The following CDH11 variants were observed in gnomAD, a reference collection of about 807,000 sequenced individuals.
The protein encoded by CDH11 is cadherin 11.
In CDH11, 11 loss-of-function variants were observed where a neutral mutation model predicts 67.8. That is an observed-to-expected ratio of 0.16 (90% CI 0.10 to 0.27). CDH11 has a LOEUF of 0.27. Ranked by LOEUF, CDH11 falls within the 10% of genes least tolerant of loss-of-function variation. CDH11 has a pLI of 1.00. For missense variants in CDH11, 847 were observed against 1,031.2 expected, an observed-to-expected ratio of 0.82 and a Z score of 2.45; for synonymous variants, 419 against 400.0, an observed-to-expected ratio of 1.05 and a Z score of -0.57.
In CDH11 at chr16:65,122,007, C is replaced by T. The variant is rs918531796; in HGVS notation, c.-425G>A. The T allele has an allele frequency of 4.6e-5, 32 of 699,708 alleles. No homozygotes were observed. The highest frequency in any genetic ancestry group is 4.6e-4 in the African/African-American group (26 of 57,138). 43.3% of individuals were successfully genotyped at this position (699,708 alleles called of 1,614,324 possible). On this transcript the variant is annotated 5_prime_UTR_variant, in exon 1 of 13. Transcript: ENST00000268603. ...GTCAGCGGCGGCTGCGAGCGGCCCC[C>T]GCGGCATCTGCTCCTCGGCCCGCGA...
intron 2 of CDH11, among the ~76,000 whole-genome samples, chr16:65,045,108 G>A (rs1050386663): frequency 1.3e-5 from 2 of 151,512 alleles, no homozygotes; most frequent in Non-Finnish European, 2.9e-5. Flanking sequence ...CCCAAAGAAT[G>A]ATGTAAATGG....
intron 7 of CDH11, chr16:64,984,694 A>T (rs969042379): frequency 1.2e-4 from 19 of 152,212 alleles, no homozygotes; most frequent in African/African-American, 4.1e-4. Flanking sequence ...CAAAACACCA[A>T]ATCCAACTGT....
intron 2 of CDH11, among the ~76,000 whole-genome samples, chr16:65,046,401 G>A (rs995173871): frequency 3.3e-5 from 5 of 152,204 alleles, no homozygotes; most frequent in African/African-American, 4.8e-5. Flanking sequence ...GTGGCCCAAA[G>A]AGGGGCACCT....
chr16:65,059,675 T>C (rs1037113086), intron 1 of CDH11: 1 of 152,182 alleles, frequency 6.6e-6, no homozygotes, highest in African/African-American at 2.4e-5. Context: ...GCTGCCACCA[T>C]AAATTCTGGG....
intron 2 of CDH11, among the ~76,000 whole-genome samples, chr16:65,036,780 C>T (rs868373507): frequency 6.6e-6 from 1 of 152,150 alleles, no homozygotes; most frequent in African/African-American, 2.4e-5. Flanking sequence ...TAGAGTCCAG[C>T]TCCCAATGGA....
intron 11 of CDH11, among the ~76,000 whole-genome samples, chr16:64,963,381 C>T (rs1054918215): frequency 2.6e-5 from 4 of 152,102 alleles, no homozygotes; most frequent in Non-Finnish European, 4.4e-5. Context: ...GAGAATAGAT[C>T]AGCAAAAACC....
chr16:65,122,120 G>C (rs1019051344), upstream of CDH11: 4 of 428,712 alleles, frequency 9.3e-6, no homozygotes, highest in East Asian at 5.7e-5. Context: ...TGGCGGGCGG[G>C]CAGGCGGGTG....
intron 6 of CDH11, 91 bp from the exon 7 acceptor site, chr16:64,988,435 G>A: frequency 1.6e-6 from 2 of 1,222,922 alleles, no homozygotes; most frequent in Non-Finnish European, 2.3e-6. Flanking sequence ...ATTTCTCAAA[G>A]GATTTGAAAT....
At chr16:65,064,501 C>A (rs2074282637) in intron 1 of CDH11, among the ~76,000 whole-genome samples, 1 of 152,180 alleles carries the variant, frequency 6.6e-6, no homozygotes, top group South Asian at 2.1e-4. Flanking sequence ...ACAGGGGCCC[C>A]ACCAATTGCC....
intron 3 of CDH11, among the ~76,000 whole-genome samples, chr16:65,004,087 C>T (rs1455641654): frequency 2.0e-5 from 3 of 152,144 alleles, no homozygotes; most frequent in South Asian, 2.1e-4. Context: ...GGAGTTTGAG[C>T]CTGGCGTAGT....
chr16:65,025,327 T>C (rs1375680403), intron 2 of CDH11, among the ~76,000 whole-genome samples: 4 of 152,116 alleles, frequency 2.6e-5, no homozygotes, highest in Non-Finnish European at 5.9e-5. Flanking sequence ...TTACATTTAT[T>C]TGGGTAGGTT....
intron 2 of CDH11, among the ~76,000 whole-genome samples, chr16:65,011,516 GTA>G (rs1266205340): frequency 2.0e-5 from 3 of 152,082 alleles, no homozygotes; most frequent in African/African-American, 7.2e-5. Context: ...CCTAAAACTT[GTA>G]TAGTCATTCA....
intron 1 of CDH11, among the ~76,000 whole-genome samples, chr16:65,083,035 A>C (rs2142806045): frequency 6.6e-6 from 1 of 152,296 alleles, no homozygotes; most frequent in Admixed American, 6.5e-5. Context: ...AGAATACCTT[A>C]CGTGTATATT....
At chr16:65,110,966 G>T (rs2075147254) in intron 1 of CDH11, among the ~76,000 whole-genome samples, 1 of 152,130 alleles carries the variant, frequency 6.6e-6, no homozygotes, top group South Asian at 2.1e-4. Flanking sequence ...TTAAATAGAA[G>T]TGTGTATATA....
In CDH11 at chr16:64,998,844, T is replaced by A. The variant is rs758971325; in HGVS notation, c.241A>T (p.Ile81Phe). ...PVLVGRLHSD[I>F]DSGDGNIKYI... ...TTAATGTTCCCATCACCAGAGTCAA[T>A]ATCTGAATGAAGCTGGAAGAAAGAG... is the stretch of plus-strand genomic sequence containing the variant. Residue 81 changes from isoleucine to phenylalanine, a missense_variant, in exon 4 of 13, where the codon ATT (isoleucine) becomes TTT (phenylalanine). By Grantham distance (21) the Ile-to-Phe change is conservative. This residue lies in a region of CDH11 where 235 missense variants were observed against 352.5 expected (regional missense o/e 0.67). Coordinates refer to ENST00000268603, the MANE Select transcript of CDH11 (RefSeq NM_001797.4). The A allele has an allele frequency of 6.2e-7, 1 of 1,613,382 alleles. No homozygotes were observed. The highest frequency in any genetic ancestry group is 1.7e-5 in the Admixed American group (1 of 59,988).
chr16:65,083,055 T>C (rs181778527), intron 1 of CDH11, among the ~76,000 whole-genome samples: 132 of 152,316 alleles, frequency 8.7e-4, no homozygotes, highest in Admixed American at 8.6e-3. Context: ...TGAGTAGGAA[T>C]CCCATGAACA....
chr16:65,027,897 C>T (rs981874456), intron 2 of CDH11, among the ~76,000 whole-genome samples: 1 of 152,104 alleles, frequency 6.6e-6, no homozygotes, highest in African/African-American at 2.4e-5. Flanking sequence ...AAGGGACTTG[C>T]ATTTGAAGGA....
chr16:64,971,427 T>C (rs2072002139), intron 11 of CDH11, 152 bp downstream of exon 11: 1 of 563,756 alleles, frequency 1.8e-6, no homozygotes, highest in Non-Finnish European at 3.1e-6. Context: ...AATGAGCCCA[T>C]GTTTCAGAAC....
intron 2 of CDH11, among the ~76,000 whole-genome samples, chr16:65,043,780 C>T (rs1331064343): frequency 6.6e-6 from 1 of 152,058 alleles, no homozygotes; most frequent in African/African-American, 2.4e-5. Context: ...GCGATCTCTG[C>T]CTTAATTTAG....
Sources: gnomAD v4.1 joint callset for allele counts (sites outside exome capture counted in the v4.1 genomes callset) on GRCh38, gnomAD v4.1.1 for gene constraint, gnomAD v4.1.1 regional missense constraint, MANE v1.5 for transcripts, NCBI Gene and HGNC (gene_info 2026-07-23, HGNC 2026-07-21) for gene names.